Variants in PERM1 observed in about 807,000 individuals in gnomAD.
The protein encoded by PERM1 is PPARGC1 and ESRR induced regulator, muscle 1.
PERM1 carries 45 observed loss-of-function variants against 44.1 expected under a neutral mutation model. The observed-to-expected ratio is 1.02, with a 90% CI of 0.80 to 1.31. The LOEUF (loss-of-function observed/expected upper bound fraction) is 1.31. Ranked by LOEUF, PERM1 falls within the 50% of genes most tolerant of loss-of-function variation. The pLI, the probability that PERM1 is intolerant of heterozygous loss-of-function variation, is 0.00. For synonymous variants in PERM1, 565 were observed against 477.1 expected (o/e 1.18, Z -2.40); for missense variants, 1,189 against 1,106.9 (o/e 1.07, Z -1.05).
rs932082507 is a variant in PERM1, at chr1:980,735, C to T, written c.295G>A (p.Gly99Ser). 18 of 1,411,806 alleles carry T rather than the reference C, an allele frequency of 1.3e-5. No individual in the cohort carries two copies. In the African/African-American group the frequency reaches 1.6e-4, roughly 12 times the overall value. The allele number at this position is 1,411,806 out of a possible 1,614,324, so 87.5% of individuals were successfully genotyped here. Residue 99 changes from glycine to serine, a missense_variant, in exon 1 of 3, where the codon GGT becomes AGT. Gly to Ser is a moderately conservative substitution (Grantham distance 56). Transcript: ENST00000433179. ...GCGGACGTGCTGGGTGTCTGCTGAC[C>T]GGTCCCCAGGGCCAAGACAGGCTCA... is the stretch of plus-strand genomic sequence containing the variant.
rs1372831517 is a variant in PERM1 at position 979,909 on chromosome 1, GAC to G, written c.1119_1120del (p.Ser374TyrfsTer5). 2 of 1,550,318 alleles carry G rather than the reference GAC, an allele frequency of 1.3e-6. No individual in the cohort carries two copies. Among genetic ancestry groups the G allele is most frequent in the Non-Finnish European group, 1.7e-6 (2 of 1,146,940 alleles). ...GGACTGAGGCTCAGAAGCTGGTGTA[GAC>G]ACAGCCGTGTCAGATTGCGGCTTGG... On this transcript the variant is annotated frameshift_variant, in exon 1 of 3. Coordinates refer to ENST00000433179, the Ensembl canonical transcript of PERM1. LOFTEE classifies it high-confidence loss of function.
At chr1:981,179 A>T, upstream of PERM1, 1 of 1,547,662 alleles carries the variant, frequency 6.5e-7, no homozygotes, top group Non-Finnish European at 8.7e-7. Context: ...ATGCCCTGAA[A>T]GGAAGAGAAC....
exon 2 of PERM1, chr1:976,530 T>C (rs1229488140): frequency 6.5e-7 from 1 of 1,549,582 alleles, no homozygotes; most frequent in Admixed American, 2.0e-5. Context: ...TATGCGGATC[T>C]GACGTCCTCA....
At chr1:980,398 G>T (rs376579351) in exon 1 of PERM1, 3 of 1,549,832 alleles carry the variant, frequency 1.9e-6, no homozygotes, top group Admixed American at 3.9e-5. Context: ...AGGACTGGCC[G>T]CAGGGAGCAG....
At chr1:979,063 A>T (rs1275015125) in exon 1 of PERM1, 2 of 1,547,452 alleles carry the variant, frequency 1.3e-6, no homozygotes, top group Admixed American at 3.9e-5. Flanking sequence ...GACCTCAGGG[A>T]TGGAGATGGG....
chr1:981,418 G>A (rs1419447736), upstream of PERM1, among the ~76,000 whole-genome samples: 1 of 152,208 alleles, frequency 6.6e-6, no homozygotes, highest in Non-Finnish European at 1.5e-5. Flanking sequence ...AGCTGGGGCA[G>A]CCTCACCTCC....
chr1:979,192 G>C (rs528106044), exon 1 of PERM1: 2 of 1,550,144 alleles, frequency 1.3e-6, no homozygotes, highest in South Asian at 1.2e-5. Context: ...GCACATGTCC[G>C]GCCACTGGAC....
chr1:980,470 G>T, exon 1 of PERM1: 2 of 1,526,136 alleles, frequency 1.3e-6, no homozygotes, highest in South Asian at 2.5e-5. Flanking sequence ...GGCACCCACA[G>T]CTCGCCTCTT....
chr1:980,799 C>G (rs939632842), exon 1 of PERM1: 2 of 1,398,522 alleles, frequency 1.4e-6, no homozygotes, highest in African/African-American at 3.0e-5. Context: ...TGGCCACGTC[C>G]TCCTCCTCGC....
At chr1:980,519 C>T (rs890365044) in exon 1 of PERM1, 165 of 1,475,940 alleles carry the variant, frequency 1.1e-4, no homozygotes, top group Non-Finnish European at 1.3e-4. Flanking sequence ...CCAGGGCTAT[C>T]GGGGGGCCTC....
upstream of PERM1, chr1:981,050 G>A (rs1643782391): frequency 1.3e-6 from 2 of 1,542,726 alleles, no homozygotes; most frequent in South Asian, 1.2e-5. Context: ...CAGAGGCACT[G>A]GAGGGTAGCA....
chr1:981,160 G>C (rs1056250011), upstream of PERM1: 16 of 1,548,764 alleles, frequency 1.0e-5, no homozygotes, highest in Non-Finnish European at 1.3e-5. Flanking sequence ...CCGCCTCGGG[G>C]CTCCATCCAT....
chr1:980,879 T>C lies in PERM1; in HGVS notation c.151A>G (p.Ser51Gly), dbSNP rs775629837. The C allele has an allele frequency of 2.8e-4, 391 of 1,405,242 alleles. 2 individuals are homozygous for C. In the Middle Eastern group the frequency reaches 6.8e-3, roughly 24 times the overall value. 87.0% of individuals were successfully genotyped at this position (1,405,242 alleles called of 1,614,324 possible). Residue 51 changes from serine to glycine, a missense_variant, in exon 1 of 3, where the codon AGC (serine) becomes GGC (glycine). Physicochemically the swap from Ser to Gly is moderately conservative, Grantham distance 56 (BLOSUM62 0). This residue lies in a region of PERM1 where 274 missense variants were observed against 317.9 expected (regional missense o/e 0.86). Coordinates refer to ENST00000433179, the Ensembl canonical transcript of PERM1. ...AGAGGTGGGGCCCTGGGGGGACTGC[T>C]GCCACTGCTGTCCCCTTGGTCAATG...
At chr1:981,058 G>A, upstream of PERM1, 8 of 1,543,670 alleles carry the variant, frequency 5.2e-6, no homozygotes, top group South Asian at 9.6e-5. Flanking sequence ...CTGGAGGGTA[G>A]CAGAATGGGT....
chr1:976,065 G>C, exon 3 of PERM1: 2 of 1,128,882 alleles, frequency 1.8e-6, no homozygotes, highest in South Asian at 1.6e-5. Flanking sequence ...TCCTGGACGC[G>C]GTAGAAGAGA....
upstream of PERM1, chr1:981,125 G>A (rs766865823): frequency 3.0e-5 from 46 of 1,549,154 alleles, no homozygotes; most frequent in South Asian, 4.2e-4. Flanking sequence ...TGCCGCCCCT[G>A]CCCCACGAGA....
chr1:976,658 G>T, intron 1 of PERM1, 34 bp from the exon 3 acceptor site: 7 of 1,547,796 alleles, frequency 4.5e-6, no homozygotes, highest in South Asian at 2.4e-5. Context: ...CCCCACGGCT[G>T]CACTCAGAGA....
chr1:981,757 G>A (rs987916293), upstream of PERM1, among the ~76,000 whole-genome samples: 1 of 152,260 alleles, frequency 6.6e-6, no homozygotes, highest in Non-Finnish European at 1.5e-5. Context: ...CTCGAGGTCT[G>A]CACCACGATC....
exon 1 of PERM1, chr1:979,933 T>C (rs1456514313): frequency 6.5e-7 from 1 of 1,550,170 alleles, no homozygotes. Context: ...AGATTGCGGC[T>C]TGGAGGCAGG....
Sources: allele counts gnomAD v4.1 joint callset (sites outside exome capture counted in the v4.1 genomes callset), GRCh38; gene constraint gnomAD v4.1.1; regional missense constraint gnomAD v4.1.1; transcripts MANE v1.5; gene names NCBI Gene and HGNC (gene_info 2026-07-23, HGNC 2026-07-21).